Variants in SOX5 observed in about 807,000 individuals in gnomAD.
SOX5 encodes SRY-box transcription factor 5.
Under a neutral mutation model 92.0 loss-of-function variants are expected in SOX5, and 9 were observed. The ratio of observed to expected loss-of-function variants is 0.10; its 90% CI spans 0.06 to 0.17. The LOEUF (loss-of-function observed/expected upper bound fraction) is 0.17. Among genes scored for constraint, SOX5 ranks in the 10% least tolerant of loss-of-function variants. The probability of loss-of-function intolerance (pLI) is 1.00; values close to 1 mark genes in which losing one functional copy is unlikely to be tolerated. For synonymous variants in SOX5, 344 were observed against 336.3 expected (o/e 1.02, Z -0.25); for missense variants, 642 against 944.5 (o/e 0.68, Z 4.20).
intron 6 of SOX5, among the ~76,000 whole-genome samples, chr12:23,702,291 CTAATTT>C (rs2090763238): frequency 6.6e-6 from 1 of 152,018 alleles, no homozygotes; most frequent in African/African-American, 2.4e-5. Context: ...AAGATAAAAA[CTAATTT>C]TAAACAGTTT....
At chr12:23,879,285 ACT>A (rs1383570384) in intron 2 of SOX5, among the ~76,000 whole-genome samples, 1 of 152,056 alleles carries the variant, frequency 6.6e-6, no homozygotes, top group South Asian at 2.1e-4. Flanking sequence ...CTACTTAGTG[ACT>A]CTCTATTTTA....
intron 4 of SOX5, among the ~76,000 whole-genome samples, chr12:24,055,032 A>G (rs1349600750): frequency 6.7e-6 from 1 of 150,208 alleles, no homozygotes; most frequent in East Asian, 2.0e-4. Flanking sequence ...GTCTATTCAA[A>G]AAAGCAACTT....
chr12:24,519,227 C>T (rs1270077229), intron 1 of SOX5, among the ~76,000 whole-genome samples: 4 of 152,166 alleles, frequency 2.6e-5, no homozygotes, highest in African/African-American at 9.6e-5. Flanking sequence ...AAAATATTTA[C>T]TGAGCACTCT....
At chr12:23,753,745 T>G (rs2094263977) in intron 4 of SOX5, among the ~76,000 whole-genome samples, 1 of 151,792 alleles carries the variant, frequency 6.6e-6, no homozygotes, top group Non-Finnish European at 1.5e-5. Flanking sequence ...ATAATCTTTG[T>G]GCCTGACCCC....
chr12:24,048,746 G>A (rs1957278403), intron 4 of SOX5, among the ~76,000 whole-genome samples: 1 of 152,152 alleles, frequency 6.6e-6, no homozygotes, highest in South Asian at 2.1e-4. Flanking sequence ...CTAAGTGAAA[G>A]AAATCAGTCA....
At chr12:23,928,877 G>T (rs533042956) in intron 1 of SOX5, among the ~76,000 whole-genome samples, 58 of 151,676 alleles carry the variant, frequency 3.8e-4, no homozygotes, top group Non-Finnish European at 6.9e-4. Context: ...TTATTGTATG[G>T]GTGTTTAATT....
intron 4 of SOX5, among the ~76,000 whole-genome samples, chr12:24,103,806 A>G (rs894813008): frequency 1.3e-5 from 2 of 152,218 alleles, no homozygotes; most frequent in African/African-American, 4.8e-5. Flanking sequence ...TGGGGTAAGG[A>G]GTACATGCAA....
rs887922180 is a variant in SOX5, at chr12:23,533,309, C to T, written c.*910G>A. The T allele has an allele frequency of 1.1e-5, 4 of 364,656 alleles. No homozygotes were observed. The highest frequency in any genetic ancestry group is 2.3e-5 in the Non-Finnish European group (4 of 173,152). The allele number at this position is 364,656 out of a possible 1,614,324, so 22.6% of individuals were successfully genotyped here. ...TTTTCTCTAAATTTCTTATGTCTCT[C>T]TCTCTCTCTCTCTTTTCACCTGAGA... On this transcript the variant is annotated 3_prime_UTR_variant, in exon 15 of 15. Coordinates refer to ENST00000451604, the MANE Select transcript of SOX5 (RefSeq NM_006940.6).
Position 23,924,363 on chromosome 12 carries a change from A to G in SOX5, c.38+25201T>C, listed in dbSNP as rs544060459. Among the ~76,000 whole-genome samples the G allele has an allele frequency of 5.6e-4, 85 of 152,260 alleles. 1 individual carries two copies. The South Asian group carries it at 6.6e-3, about 12-fold the overall frequency. ...TTTTACAGACCTAGGACCAGACTTT[A>G]TCATCAAGAAATTACACAAGGTGAC... On this transcript the variant is annotated intron_variant, in intron 1 of 14. Transcript: ENST00000451604.
intron 1 of SOX5, among the ~76,000 whole-genome samples, chr12:24,522,362 CT>C (rs138340264): frequency 6.6e-6 from 1 of 151,648 alleles, no homozygotes; most frequent in Non-Finnish European, 1.5e-5. Context: ...AATGCCAAGC[CT>C]TTTTAAACAT....
intron 4 of SOX5, among the ~76,000 whole-genome samples, chr12:24,022,437 C>T (rs569977705): frequency 6.6e-6 from 1 of 152,178 alleles, no homozygotes; most frequent in East Asian, 1.9e-4. Flanking sequence ...GCCTTGTAGG[C>T]CATGTTAAGA....
chr12:24,294,514 T>G (rs560642), intron 2 of SOX5, among the ~76,000 whole-genome samples: 102,699 of 152,034 alleles, frequency 0.68, 37,525 homozygotes, highest in Non-Finnish European at 0.8. Context: ...TGTGAATACC[T>G]CCATGCAAAT....
chr12:23,609,665 T>C lies in SOX5; in HGVS notation c.1018-5132A>G, dbSNP rs183734074. Reference sequence around the variant, plus strand: ...CCTTTTAAGAAAGCCAAAACACATATACTATATTTTTCTTTTATTTCTTTC... The same window carrying C: ...CCTTTTAAGAAAGCCAAAACACATACACTATATTTTTCTTTTATTTCTTTC... On this transcript the variant is annotated intron_variant, in intron 8 of 14. Coordinates refer to ENST00000451604, the MANE Select transcript of SOX5 (RefSeq NM_006940.6). 1.7e-4 allele frequency among the ~76,000 whole-genome samples: 25 copies of C among 151,104 alleles called. No individual in the cohort carries two copies. In the East Asian group the frequency reaches 4.5e-3, roughly 27 times the overall value.
At chr12:23,999,140 C>CTGGTG (rs1951337680) in intron 4 of SOX5, among the ~76,000 whole-genome samples, 1 of 141,306 alleles carries the variant, frequency 7.1e-6, no homozygotes, top group Non-Finnish European at 1.5e-5. Flanking sequence ...AAAAAAGACT[C>CTGGTG]TGTGTGTGTG....
Position 24,119,298 on chromosome 12 carries a change from TA to T in SOX5, c.-2+94044del, listed in dbSNP as rs1329108423. On this transcript the variant is annotated intron_variant, in intron 4 of 4. Coordinates refer to the SOX5 transcript ENST00000446891. ...CATTGAGTAGAATTTTCCCATTTTA[TA>T]AAAAACTTTTTGTATCATTAGCACT... 1.8e-3 allele frequency among the ~76,000 whole-genome samples: 275 copies of T among 152,214 alleles called. 3 individuals carry two copies. The highest frequency in any genetic ancestry group is 2.6e-4 in the Non-Finnish European group (18 of 67,942).
intron 8 of SOX5, among the ~76,000 whole-genome samples, chr12:23,637,031 T>C (rs2079351039): frequency 6.6e-6 from 1 of 152,212 alleles, no homozygotes; most frequent in Non-Finnish European, 1.5e-5. Context: ...TAACCATGGG[T>C]GATATTAACT....
At chr12:24,551,169 C>T (rs577558487) in intron 1 of SOX5, among the ~76,000 whole-genome samples, 1 of 152,354 alleles carries the variant, frequency 6.6e-6, no homozygotes, top group African/African-American at 2.4e-5. Flanking sequence ...TTTCAGGCTG[C>T]TTTCAAGTTC....
chr12:24,041,424 G>T (rs955694441), intron 4 of SOX5, among the ~76,000 whole-genome samples: 2 of 152,040 alleles, frequency 1.3e-5, no homozygotes, highest in African/African-American at 4.8e-5. Flanking sequence ...ACAGACAGAG[G>T]GATCAATTTG....
rs1939821990 is a variant in SOX5 at position 24,062,012 on chromosome 12, A to AT, written c.-2+151330dup. On this transcript the variant is annotated intron_variant, in intron 4 of 4. Transcript: ENST00000446891. The stretch of plus-strand genomic sequence containing the variant: ...GGAAAAAATGTAGAAAAGAAGATAG[A>AT]TTAAAAAAACAATATTAACAAAGTT... Among the ~76,000 whole-genome samples the AT allele has an allele frequency of 2.0e-5, 3 of 152,362 alleles. No homozygotes were observed. The South Asian group carries it at 6.2e-4, about 32-fold the overall frequency.
Sources: allele counts gnomAD v4.1 joint callset (sites outside exome capture counted in the v4.1 genomes callset), GRCh38; gene constraint gnomAD v4.1.1; transcripts MANE v1.5; gene names NCBI Gene and HGNC (gene_info 2026-07-23, HGNC 2026-07-21).